CCDC91: variants seen among roughly 807,000 people sequenced by gnomAD.
The protein encoded by CCDC91 is coiled-coil domain containing 91, also known as coiled-coil domain-containing protein 91.
Under a neutral mutation model 63.2 loss-of-function variants are expected in CCDC91, and 48 were observed. The observed-to-expected ratio is 0.76, with a 90% confidence interval of 0.60 to 0.97. CCDC91 has a LOEUF of 0.97. CCDC91 is among the 50% of genes least tolerant of loss of function. The probability of loss-of-function intolerance (pLI) is 0.00; values close to 1 mark genes in which losing one functional copy is unlikely to be tolerated. For missense variants in CCDC91, 500 were observed against 494.6 expected (o/e 1.01, Z -0.10); for synonymous variants, 167 against 165.8 (o/e 1.01, Z -0.06).
intron 10 of CCDC91, among the ~76,000 whole-genome samples, chr12:28,452,036 A>AGGT (rs1565995579): frequency 7.6e-6 from 1 of 132,040 alleles, no homozygotes; most frequent in African/African-American, 3.0e-5. Flanking sequence ...TAATTTTAGA[A>AGGT]AGTAGTTTTT....
intron 3 of CCDC91, chr12:28,302,640 G>A (rs750077141): frequency 2.1e-4 from 210 of 984,756 alleles, no homozygotes; most frequent in Non-Finnish European, 2.4e-4. Flanking sequence ...TAGTAGTATG[G>A]TGTGACTGGA....
intron 1 of CCDC91, among the ~76,000 whole-genome samples, chr12:28,192,902 C>G (rs11837368): frequency 0.012 from 1,764 of 152,094 alleles, 8 homozygotes; most frequent in Middle Eastern, 0.02. Context: ...CTAAAGTTTC[C>G]TCCCCTCACT....
At chr12:28,467,733 T>G (rs1950613584) in intron 11 of CCDC91, among the ~76,000 whole-genome samples, 1 of 152,054 alleles carries the variant, frequency 6.6e-6, no homozygotes, top group South Asian at 2.1e-4. Flanking sequence ...TTTAAAACAT[T>G]TTTAACAATT....
At chr12:28,346,901 T>C (rs1565833627) in intron 6 of CCDC91, among the ~76,000 whole-genome samples, 1 of 152,204 alleles carries the variant, frequency 6.6e-6, no homozygotes, top group South Asian at 2.1e-4. Flanking sequence ...CCTCTAATCC[T>C]GCCTTGGTCT....
chr12:28,296,164 A>T (rs1949553159), intron 3 of CCDC91, among the ~76,000 whole-genome samples: 1 of 151,420 alleles, frequency 6.6e-6, no homozygotes, highest in Non-Finnish European at 1.5e-5. Context: ...TTTATTTTTT[A>T]AATTTTCCCA....
chr12:28,428,483 C>T (rs1325760675), intron 8 of CCDC91, among the ~76,000 whole-genome samples: 1 of 146,396 alleles, frequency 6.8e-6, no homozygotes, highest in Non-Finnish European at 1.5e-5. Flanking sequence ...GCAGGAGAAT[C>T]GCTTGAACCC....
chr12:28,517,864 C>G (rs1455576740), intron 12 of CCDC91, among the ~76,000 whole-genome samples: 1 of 151,958 alleles, frequency 6.6e-6, no homozygotes, highest in Non-Finnish European at 1.5e-5. Flanking sequence ...TTAGCTCCCA[C>G]TTATGAGTGA....
intron 3 of CCDC91, among the ~76,000 whole-genome samples, chr12:28,260,328 G>C (rs970207099): frequency 6.6e-6 from 1 of 151,888 alleles, no homozygotes; most frequent in African/African-American, 2.4e-5. Context: ...GTTCTCTGAA[G>C]GGTGCATATA....
intron 3 of CCDC91, among the ~76,000 whole-genome samples, chr12:28,285,732 T>C (rs1275926712): frequency 6.9e-6 from 1 of 144,492 alleles, no homozygotes; most frequent in Non-Finnish European, 1.5e-5. Flanking sequence ...ATCTTTCTGA[T>C]TGATCTTATT....
At chr12:28,385,643 CT>C (rs1284422227) in intron 7 of CCDC91, among the ~76,000 whole-genome samples, 5 of 152,100 alleles carry the variant, frequency 3.3e-5, no homozygotes, top group African/African-American at 1.2e-4. Context: ...ATGTAGGATT[CT>C]TTTATGGTCA....
intron 11 of CCDC91, among the ~76,000 whole-genome samples, chr12:28,465,378 C>G (rs1376241060): frequency 6.6e-6 from 1 of 152,034 alleles, no homozygotes; most frequent in Admixed American, 6.5e-5. Flanking sequence ...GAAGTGGTAG[C>G]CAGGCCTTGG....
chr12:28,496,920 G>GTA (rs1186416088), intron 12 of CCDC91, among the ~76,000 whole-genome samples: 5 of 142,662 alleles, frequency 3.5e-5, no homozygotes, highest in Non-Finnish European at 1.5e-5. Flanking sequence ...CATATATAAG[G>GTA]TATATATATA....
chr12:28,504,392 T>C (rs986860614), intron 12 of CCDC91, among the ~76,000 whole-genome samples: 1 of 151,914 alleles, frequency 6.6e-6, no homozygotes, highest in Non-Finnish European at 1.5e-5. Context: ...ATTTATATAC[T>C]GGCCATATAC....
chr12:28,394,335 G>C (rs553984397), intron 8 of CCDC91, among the ~76,000 whole-genome samples: 1 of 151,900 alleles, frequency 6.6e-6, no homozygotes, highest in Non-Finnish European at 1.5e-5. Flanking sequence ...GTGTGGTGGC[G>C]GGCACCTGTA....
chr12:28,441,687 GTA>G (rs148605668), intron 8 of CCDC91, among the ~76,000 whole-genome samples: 1 of 144,600 alleles, frequency 6.9e-6, no homozygotes. Context: ...TATCTCATGT[GTA>G]TATATATATC....
intron 3 of CCDC91, among the ~76,000 whole-genome samples, chr12:28,278,130 T>G (rs1452298722): frequency 6.6e-6 from 1 of 152,052 alleles, no homozygotes; most frequent in African/African-American, 2.4e-5. Flanking sequence ...CTAGCCTGCC[T>G]AATCCCAAAT....
intron 11 of CCDC91, among the ~76,000 whole-genome samples, chr12:28,455,492 T>C (rs1484798689): frequency 1.3e-5 from 2 of 152,090 alleles, no homozygotes; most frequent in Non-Finnish European, 2.9e-5. Flanking sequence ...ACATTTATAA[T>C]TAATGTCCTT....
At chr12:28,429,579 A>G (rs1462296463) in intron 8 of CCDC91, among the ~76,000 whole-genome samples, 1 of 152,108 alleles carries the variant, frequency 6.6e-6, no homozygotes, top group African/African-American at 2.4e-5. Context: ...TCAATTCTTG[A>G]CTTTTTAGGG....
intron 7 of CCDC91, among the ~76,000 whole-genome samples, chr12:28,383,401 C>A (rs1247721182): frequency 1.3e-5 from 2 of 152,162 alleles, no homozygotes; most frequent in African/African-American, 2.4e-5. Context: ...CTTGCTACTT[C>A]TCTTCCTTTT....
Sources: gnomAD v4.1 joint callset for allele counts (sites outside exome capture counted in the v4.1 genomes callset) on GRCh38, gnomAD v4.1.1 for gene constraint, MANE v1.5 for transcripts, NCBI Gene and HGNC (gene_info 2026-07-23, HGNC 2026-07-21) for gene names.